The following DNAH8 variants were observed in gnomAD, a reference collection of about 807,000 sequenced individuals.
DNAH8 encodes axonemal beta dynein heavy chain 8.
In DNAH8, 382 loss-of-function variants were observed where a neutral mutation model predicts 562.1. That is an observed-to-expected ratio of 0.68 (90% CI 0.63 to 0.74). The LOEUF (loss-of-function observed/expected upper bound fraction) is 0.74. DNAH8 is among the 30% of genes least tolerant of loss of function. The pLI, the probability that DNAH8 is intolerant of heterozygous loss-of-function variation, is 0.00. For synonymous variants in DNAH8, 1,881 were observed against 1,919.4 expected, an observed-to-expected ratio of 0.98 and a Z score of 0.52; for missense variants, 5,203 against 5,620.4, an observed-to-expected ratio of 0.93 and a Z score of 2.37.
At chr6:38,783,879 C>T (rs1424392454) in intron 17 of DNAH8, among the ~76,000 whole-genome samples, 1 of 152,076 alleles carries the variant, frequency 6.6e-6, no homozygotes, top group African/African-American at 2.4e-5. Flanking sequence ...AAGGTTTCTC[C>T]CTCCCAAACC....
Position 38,911,486 on chromosome 6 carries a change from T to C in DNAH8, c.9759T>C (p.His3253=). 6.2e-7 allele frequency: 1 copy of C among 1,613,168 alleles called. No homozygotes were observed. Residue 3253 remains histidine, a synonymous_variant, in exon 66 of 93, where the codon CAT becomes CAC. Transcript: ENST00000327475. ...CTTTCAGATACCGCCGAAGAGCACA[T>C]GTGACTCCCAAATCTTACCTCTCAT... The part of the protein sequence containing the change: ...SYFQRYRRRA[H]VTPKSYLSFI...
chr6:38,976,421 A>G (rs1395976176), intron 85 of DNAH8, among the ~76,000 whole-genome samples: 2 of 152,224 alleles, frequency 1.3e-5, no homozygotes, highest in African/African-American at 2.4e-5. Flanking sequence ...GGAATTTTAG[A>G]CATATGTTTC....
intron 8 of DNAH8, 91 bp from the exon 9 acceptor site, chr6:38,750,385 T>C: frequency 1.4e-6 from 1 of 691,380 alleles, no homozygotes; most frequent in East Asian, 2.9e-5. Context: ...TTAGTATATG[T>C]ATGATTAGGG....
intron 33 of DNAH8, among the ~76,000 whole-genome samples, chr6:38,841,581 A>C (rs937633648): frequency 6.6e-6 from 1 of 152,230 alleles, no homozygotes; most frequent in Non-Finnish European, 1.5e-5. Context: ...ACCTTATGGC[A>C]TACTAAGGGC....
intron 21 of DNAH8, among the ~76,000 whole-genome samples, chr6:38,799,780 C>A (rs1316422486): frequency 1.3e-5 from 2 of 152,132 alleles, no homozygotes; most frequent in African/African-American, 4.8e-5. Context: ...CCCTCCCAGC[C>A]CCAAGGCAAC....
Position 38,722,801 on chromosome 6 carries a change from C to T in DNAH8, c.-9C>T, listed in dbSNP as rs770813217. ...GTTTCGAAGTATAAAGCATTCCGCA[C>T]GACGGGGGATGGAGAAGGATGCTGA... On this transcript the variant is annotated 5_prime_UTR_variant, in exon 2 of 93. It adds an upstream start codon to the 5' untranslated region. Transcript: ENST00000327475. 269 of 1,570,864 alleles carry T rather than the reference C, an allele frequency of 1.7e-4. No individual in the cohort carries two copies. The highest frequency in any genetic ancestry group is 2.1e-4 in the Non-Finnish European group (246 of 1,161,202).
Position 38,883,923 on chromosome 6 carries a change from G to C in DNAH8, c.8184G>C (p.Gly2728=), listed in dbSNP as rs776114503. The stretch of plus-strand genomic sequence containing the variant: ...ATAAGCGAATTGGAAGCACATATGG[G>C]CCACCAGGAGGGAGAAAAATGACTG... ...YVDKRIGSTY[G]PPGGRKMTVF... Residue 2728 remains glycine (G), a synonymous_variant, in exon 56 of 93, where the codon GGG becomes GGC. Transcript: ENST00000327475. 6.3e-7 allele frequency: 1 copy of C among 1,592,562 alleles called. No individual in the cohort carries two copies. Among genetic ancestry groups the C allele is most frequent in the South Asian group, 1.1e-5 (1 of 87,754 alleles).
At position 38,722,798 on chromosome 6, in the gene DNAH8, G is replaced by C. The variant is rs746781161; in HGVS notation, c.-12G>C. The C allele has an allele frequency of 1.3e-6, 2 of 1,566,864 alleles. No individual in the cohort carries two copies. Among genetic ancestry groups the C allele is most frequent in the Non-Finnish European group, 1.7e-6 (2 of 1,159,278 alleles). ...TAGGTTTCGAAGTATAAAGCATTCCGCACGACGGGGGATGGAGAAGGATGC... is the reference window on the plus strand; with the variant it reads ...TAGGTTTCGAAGTATAAAGCATTCCCCACGACGGGGGATGGAGAAGGATGC... On this transcript the variant is annotated 5_prime_UTR_variant, in exon 2 of 93. Transcript: ENST00000327475.
At chr6:38,801,401 G>A (rs1302918069) in intron 21 of DNAH8, among the ~76,000 whole-genome samples, 1 of 152,150 alleles carries the variant, frequency 6.6e-6, no homozygotes, top group South Asian at 2.1e-4. Context: ...AAAGATTACT[G>A]TATGTTATTT....
At chr6:38,747,602 G>A (rs189211830) in intron 8 of DNAH8, among the ~76,000 whole-genome samples, 182 of 152,228 alleles carry the variant, frequency 1.2e-3, no homozygotes, top group Non-Finnish European at 1.9e-3. Context: ...GGCCAAGCTG[G>A]TCTTGAACTC....
chr6:38,813,848 G>C (rs1309068902), intron 24 of DNAH8, among the ~76,000 whole-genome samples: 1 of 152,114 alleles, frequency 6.6e-6, no homozygotes, highest in Non-Finnish European at 1.5e-5. Flanking sequence ...ATGTATATGA[G>C]ATTACTATTT....
rs754359838 is a variant in DNAH8 at position 38,845,667 on chromosome 6, G to A, written c.4939G>A (p.Ala1647Thr). The A allele has an allele frequency of 1.2e-5, 20 of 1,613,942 alleles. No homozygotes were observed. The highest frequency in any genetic ancestry group is 6.7e-5 in the East Asian group (3 of 44,848). ...NWTNQNLSFA[A>T]FKGKGELLLK... ...GACCAACCAAAATCTGAGTTTTGCAGCATTTAAGGGAAAAGGAGAGCTCCT... is the reference window on the plus strand; with the variant it reads ...GACCAACCAAAATCTGAGTTTTGCAACATTTAAGGGAAAAGGAGAGCTCCT... Residue 1647 changes from alanine to threonine, a missense_variant, in exon 36 of 93, where the codon GCA becomes ACA. Transcript: ENST00000327475.
chr6:38,733,521 G>A (rs1006864985), intron 4 of DNAH8, among the ~76,000 whole-genome samples: 1 of 152,154 alleles, frequency 6.6e-6, no homozygotes, highest in Non-Finnish European at 1.5e-5. Flanking sequence ...TTGGGGATGG[G>A]ATAGGAGAAC....
In DNAH8 at chr6:38,949,536, T is replaced by G. The variant is rs1374036995; in HGVS notation, c.12214T>G (p.Ser4072Ala). 1 of 1,611,418 alleles carries G rather than the reference T, an allele frequency of 6.2e-7. No individual in the cohort carries two copies. The highest frequency in any genetic ancestry group is 1.1e-5 in the South Asian group (1 of 91,024). Reference protein sequence around the residue: ...EEIIPDGYNDSLDTCHKLLLI... With the variant: ...EEIIPDGYNDALDTCHKLLLI... ...AATTATCCCTGATGGATATAATGAT[T>G]CACTAGATACCTGCCATAAACTTTT... The change falls in exon 81 of 93, where the codon TCA becomes GCA. Residue 4072 changes from serine to alanine, a missense_variant. Coordinates refer to ENST00000327475, the MANE Select transcript of DNAH8 (RefSeq NM_001206927.2).
At chr6:38,812,526 C>G (rs1771889701) in intron 24 of DNAH8, among the ~76,000 whole-genome samples, 1 of 152,188 alleles carries the variant, frequency 6.6e-6, no homozygotes. Flanking sequence ...CTGTCACGCT[C>G]TACAGAGGCT....
chr6:39,025,385 C>G (rs925715774), intron 91 of DNAH8, among the ~76,000 whole-genome samples: 2 of 152,208 alleles, frequency 1.3e-5, no homozygotes. Context: ...CCATGGATGG[C>G]CTCTTCATCT....
chr6:38,979,861 C>T (rs977909380), intron 85 of DNAH8, among the ~76,000 whole-genome samples: 3 of 152,188 alleles, frequency 2.0e-5, no homozygotes, highest in East Asian at 1.9e-4. Flanking sequence ...TTAAATCAAA[C>T]ACATAGGTAA....
chr6:38,780,501 G>A (rs1282204935), intron 15 of DNAH8, among the ~76,000 whole-genome samples: 3 of 151,448 alleles, frequency 2.0e-5, no homozygotes, highest in African/African-American at 7.3e-5. Flanking sequence ...GGAATGTTAT[G>A]CATCCAAAAA....
chr6:38,856,218 A>G (rs958049975), intron 41 of DNAH8, among the ~76,000 whole-genome samples: 1 of 152,158 alleles, frequency 6.6e-6, no homozygotes, highest in Non-Finnish European at 1.5e-5. Context: ...GTGCCTTCTC[A>G]TATTGTTTAA....
Sources: gnomAD v4.1 joint callset for allele counts (sites outside exome capture counted in the v4.1 genomes callset) on GRCh38, gnomAD v4.1.1 for gene constraint, MANE v1.5 for transcripts, NCBI Gene and HGNC (gene_info 2026-07-23, HGNC 2026-07-21) for gene names.